NCKAP5: variants seen among roughly 807,000 people sequenced by gnomAD.
NCKAP5 encodes nck-associated protein 5.
In NCKAP5, 92 loss-of-function variants were observed where a neutral mutation model predicts 167.0. The observed-to-expected ratio is 0.55, with a 90% CI of 0.47 to 0.66. The LOEUF is 0.66. Among genes scored for constraint, NCKAP5 ranks in the 30% least tolerant of loss-of-function variants. The pLI, the probability that NCKAP5 is intolerant of heterozygous loss-of-function variation, is 0.00. For missense variants in NCKAP5, 2,378 were observed against 2,315.0 expected, an observed-to-expected ratio of 1.03 and a Z score of -0.56; for synonymous variants, 891 against 877.4, an observed-to-expected ratio of 1.02 and a Z score of -0.27.
intron 6 of NCKAP5, among the ~76,000 whole-genome samples, chr2:133,125,269 C>T (rs1443348058): frequency 2.6e-5 from 4 of 151,112 alleles, no homozygotes; most frequent in African/African-American, 9.8e-5. Flanking sequence ...ACGTACCCCA[C>T]CCTAACTTGG....
the NCKAP5 span, among the ~76,000 whole-genome samples, chr2:133,654,695 C>T: frequency 1.4e-4 from 21 of 152,298 alleles, no homozygotes; most frequent in South Asian, 8.3e-4. Context: ...ATACCAGCCA[C>T]GTGGTTGGTA....
intron 8 of NCKAP5, among the ~76,000 whole-genome samples, chr2:132,899,278 T>A (rs1201785199): frequency 1.3e-5 from 2 of 152,232 alleles, no homozygotes; most frequent in African/African-American, 4.8e-5. Flanking sequence ...CTAACCTCTC[T>A]CAGCCTTCAT....
Position 133,160,944 on chromosome 2 carries a change from C to A in NCKAP5, c.208-30833G>T, listed in dbSNP as rs566570181. 2.0e-5 allele frequency among the ~76,000 whole-genome samples: 3 copies of A among 152,220 alleles called. No individual in the cohort carries two copies. In the South Asian group the frequency reaches 6.2e-4, roughly 32 times the overall value. Reference sequence around the variant, plus strand: ...CCTCTGTGACAGGTGTCCCCAGCCCCCAAGCTGTGGACCGGTAGCAGTCTG... The same window carrying A: ...CCTCTGTGACAGGTGTCCCCAGCCCACAAGCTGTGGACCGGTAGCAGTCTG... On this transcript the variant is annotated intron_variant, in intron 5 of 19. Coordinates refer to ENST00000409261, the MANE Select transcript of NCKAP5 (RefSeq NM_207363.3).
intron 8 of NCKAP5, among the ~76,000 whole-genome samples, chr2:132,955,109 G>A (rs755206347): frequency 7.9e-5 from 12 of 152,218 alleles, no homozygotes; most frequent in African/African-American, 9.6e-5. Context: ...CTGGCACGTT[G>A]CCTTAATTTC....
intron 6 of NCKAP5, among the ~76,000 whole-genome samples, chr2:133,107,669 G>C (rs1214994828): frequency 6.6e-6 from 1 of 152,156 alleles, no homozygotes; most frequent in Non-Finnish European, 1.5e-5. Context: ...CGGGTGCTGT[G>C]CCATGTTCCC....
intron 6 of NCKAP5, among the ~76,000 whole-genome samples, chr2:133,103,932 C>T (rs902861851): frequency 1.3e-5 from 2 of 152,050 alleles, no homozygotes; most frequent in Admixed American, 1.3e-4. Context: ...ATAACTCTAT[C>T]TTCTTAGGTA....
At chr2:133,480,886 C>T (rs1044755062) in intron 3 of NCKAP5, among the ~76,000 whole-genome samples, 13 of 152,178 alleles carry the variant, frequency 8.5e-5, no homozygotes, top group African/African-American at 2.9e-4. Context: ...TTCCCAAAGC[C>T]GGATTGCTCA....
chr2:133,221,108 TTGA>T (rs1171970054), intron 4 of NCKAP5, among the ~76,000 whole-genome samples: 9 of 151,096 alleles, frequency 6.0e-5, no homozygotes, highest in Non-Finnish European at 1.0e-4. Flanking sequence ...ACTCTGTGAG[TTGA>T]TGAACATGCA....
intron 19 of NCKAP5, among the ~76,000 whole-genome samples, chr2:132,704,999 A>C (rs1688220670): frequency 6.6e-6 from 1 of 152,182 alleles, no homozygotes; most frequent in African/African-American, 2.4e-5. Flanking sequence ...ATGCCTTCTA[A>C]CTTATACTTA....
rs75273020 is a variant in NCKAP5, at chr2:133,406,492, T to G, written c.70-103382A>C. Among the ~76,000 whole-genome samples the G allele has an allele frequency of 8.9e-3, 1,356 of 151,920 alleles. 19 individuals carry two copies. The highest frequency in any genetic ancestry group is 0.031 in the African/African-American group (1,262 of 41,370). On this transcript the variant is annotated intron_variant, in intron 3 of 19. Coordinates refer to ENST00000409261, the MANE Select transcript of NCKAP5 (RefSeq NM_207363.3). ...GCTTCAGAAAAAGAATCCTCCCCCT[T>G]TTTACAGTTTTGCCCAAGGCTGGAC...
At position 132,672,252 on chromosome 2, in the gene NCKAP5, A is replaced by G. The variant is rs983626275; in HGVS notation, c.*1037T>C. The G allele has an allele frequency of 6.6e-6, 1 of 152,624 alleles. No homozygotes were observed. Among genetic ancestry groups the G allele is most frequent in the Non-Finnish European group, 1.5e-5 (1 of 68,042 alleles). The allele number at this position is 152,624 out of a possible 1,614,324, so 9.5% of individuals were successfully genotyped here. ...AAAAGAGCAAGAAGATAAAAATCAAATAATATTCAGGATCATAGAGAAGCA... is the reference window on the plus strand; with the variant it reads ...AAAAGAGCAAGAAGATAAAAATCAAGTAATATTCAGGATCATAGAGAAGCA... On this transcript the variant is annotated 3_prime_UTR_variant, in exon 20 of 20. Transcript: ENST00000409261.
intron 3 of NCKAP5, among the ~76,000 whole-genome samples, chr2:133,501,322 A>G (rs577428577): frequency 2.0e-4 from 30 of 152,370 alleles, no homozygotes; most frequent in Admixed American, 1.4e-3. Flanking sequence ...CTTGTGATCT[A>G]AATGAGTTGG....
intron 3 of NCKAP5, among the ~76,000 whole-genome samples, chr2:133,397,627 G>A (rs1017565516): frequency 6.6e-6 from 1 of 152,182 alleles, no homozygotes; most frequent in Non-Finnish European, 1.5e-5. Context: ...AAAGTGCTCT[G>A]GGGCTGCTGG....
intron 6 of NCKAP5, among the ~76,000 whole-genome samples, chr2:133,044,209 A>G (rs2079310436): frequency 6.6e-6 from 1 of 152,210 alleles, no homozygotes; most frequent in African/African-American, 2.4e-5. Flanking sequence ...GCAGAATCGC[A>G]GAAGTACAAA....
At chr2:133,379,757 C>A (rs1165971951) in intron 3 of NCKAP5, among the ~76,000 whole-genome samples, 1 of 152,078 alleles carries the variant, frequency 6.6e-6, no homozygotes, top group Non-Finnish European at 1.5e-5. Context: ...GAAAATGATC[C>A]AAGGTAATGT....
chr2:133,013,142 AG>A (rs1310737539), intron 6 of NCKAP5, among the ~76,000 whole-genome samples: 2 of 152,202 alleles, frequency 1.3e-5, no homozygotes, highest in Non-Finnish European at 2.9e-5. Context: ...AGCTGAAAAC[AG>A]GTGACATTTT....
At chr2:133,115,182 A>G (rs2082030971) in intron 6 of NCKAP5, among the ~76,000 whole-genome samples, 1 of 152,180 alleles carries the variant, frequency 6.6e-6, no homozygotes, top group African/African-American at 2.4e-5. Flanking sequence ...ACAAAAGCTG[A>G]CATGCTTTAA....
Position 132,693,170 on chromosome 2 carries a change from T to C in NCKAP5, c.5714-19865A>G, listed in dbSNP as rs1686944728. On this transcript the variant is annotated intron_variant, in intron 19 of 19. Transcript: ENST00000409261. ...ATTTCTCTATCCTTCCATCTTCTGC[T>C]TCTTGGCTTCACGTACTCTCATGGG... 2.6e-5 allele frequency among the ~76,000 whole-genome samples: 4 copies of C among 152,326 alleles called. No homozygotes were observed. In the South Asian group the frequency reaches 8.3e-4, roughly 32 times the overall value.
chr2:133,297,486 C>A lies in NCKAP5; in HGVS notation c.143+5551G>T, dbSNP rs150088809. ...TTCAACAGAATATTAGACAGGACCC[C>A]AAAATAACCAGTTATCTCAAGAGTG... On this transcript the variant is annotated intron_variant, in intron 4 of 19. Transcript: ENST00000409261. 2.6e-5 allele frequency among the ~76,000 whole-genome samples: 4 copies of A among 152,190 alleles called. No individual in the cohort carries two copies. The East Asian group carries it at 7.7e-4, about 29-fold the overall frequency.
Sources: allele counts gnomAD v4.1 joint callset (sites outside exome capture counted in the v4.1 genomes callset), GRCh38; gene constraint gnomAD v4.1.1; transcripts MANE v1.5; gene names NCBI Gene and HGNC (gene_info 2026-07-23, HGNC 2026-07-21).